The following ERG variants were observed in gnomAD, a reference collection of about 807,000 sequenced individuals.
The protein encoded by ERG is transcriptional regulator ERG.
ERG carries 9 observed loss-of-function variants against 55.3 expected under a neutral mutation model. The ratio of observed to expected loss-of-function variants is 0.16; its 90% CI spans 0.10 to 0.28. The LOEUF is 0.28. Ranked by LOEUF, ERG falls within the 10% of genes least tolerant of loss-of-function variation. The probability of loss-of-function intolerance (pLI) is 1.00; values close to 1 mark genes in which losing one functional copy is unlikely to be tolerated. For synonymous variants in ERG, 223 were observed against 237.3 expected, an observed-to-expected ratio of 0.94 and a Z score of 0.55; for missense variants, 434 against 631.6, an observed-to-expected ratio of 0.69 and a Z score of 3.35.
chr21:38,556,824 C>G (rs140853648), intron 2 of ERG, among the ~76,000 whole-genome samples: 1 of 152,298 alleles, frequency 6.6e-6, no homozygotes, highest in East Asian at 1.9e-4. Context: ...CCCAGACCCC[C>G]ATACTGGACT....
At chr21:38,421,817 T>C (rs962249598) in intron 3 of ERG, among the ~76,000 whole-genome samples, 33 of 152,208 alleles carry the variant, frequency 2.2e-4, no homozygotes, top group African/African-American at 7.7e-4. Flanking sequence ...TTATGTTCCA[T>C]TCAGGGAAGA....
intron 1 of ERG, among the ~76,000 whole-genome samples, chr21:38,481,112 C>A (rs1302914993): frequency 6.6e-6 from 1 of 152,190 alleles, no homozygotes; most frequent in African/African-American, 2.4e-5. Context: ...AAACAATGAA[C>A]TCCTAAATGA....
rs547917191 is a variant in ERG at position 38,382,554 on chromosome 21, T to C, written c.*849A>G. 3.8e-6 allele frequency: 4 copies of C among 1,066,010 alleles called. No homozygotes were observed. In the African/African-American group the frequency reaches 6.5e-5, roughly 17 times the overall value. 66.0% of individuals were successfully genotyped at this position (1,066,010 alleles called of 1,614,324 possible). A position where few individuals can be genotyped will look rare whatever the true frequency, so the allele number is the denominator to read the frequency against. Reference sequence around the variant, plus strand: ...GTGTCCTTTCTCCTAACACTGGGTTTGGTATAACACTGACTGCATGAACCC... The same window carrying C: ...GTGTCCTTTCTCCTAACACTGGGTTCGGTATAACACTGACTGCATGAACCC... On this transcript the variant is annotated 3_prime_UTR_variant, in exon 10 of 10. Coordinates refer to ENST00000288319, the MANE Select transcript of ERG (RefSeq NM_182918.4).
Position 38,423,404 on chromosome 21 carries a change from C to T in ERG, c.388+6G>A. On this transcript the variant is annotated splice_donor_region_variant and intron_variant, in intron 3 of 9. Transcript: ENST00000288319. ...GCCGAGGGCAGTGAAGCTGTGGGCA[C>T]CTGACCTGCTGGCACGATAACTCTG... is the stretch of plus-strand genomic sequence containing the variant. 1 of 1,610,780 alleles carries T rather than the reference C, an allele frequency of 6.2e-7. No individual in the cohort carries two copies. The highest frequency in any genetic ancestry group is 8.5e-7 in the Non-Finnish European group (1 of 1,177,826).
intron 2 of ERG, among the ~76,000 whole-genome samples, chr21:38,539,344 A>G (rs1480780186): frequency 6.6e-6 from 1 of 152,212 alleles, no homozygotes; most frequent in Non-Finnish European, 1.5e-5. Context: ...CTATGAAAAA[A>G]GTATCTCATT....
At chr21:38,511,254 G>C in intron 2 of ERG, among the ~76,000 whole-genome samples, 1 of 152,078 alleles carries the variant, frequency 6.6e-6, no homozygotes, top group East Asian at 1.9e-4. Context: ...TCAATATTTT[G>C]TCTATTTACT....
intron 2 of ERG, among the ~76,000 whole-genome samples, chr21:38,508,944 A>G (rs1330909663): frequency 6.6e-6 from 1 of 152,198 alleles, no homozygotes; most frequent in East Asian, 1.9e-4. Flanking sequence ...ACGGGGAGAA[A>G]GCCCAAGCCA....
chr21:38,477,778 A>T (rs1166348888), intron 1 of ERG, among the ~76,000 whole-genome samples: 1 of 152,240 alleles, frequency 6.6e-6, no homozygotes, highest in Non-Finnish European at 1.5e-5. Context: ...CATTTAAACA[A>T]GAAAAAAATG....
At chr21:38,521,260 C>T (rs75209348) in intron 2 of ERG, among the ~76,000 whole-genome samples, 2,381 of 152,274 alleles carry the variant, frequency 0.016, 71 homozygotes, top group African/African-American at 0.054. Context: ...CTACTACACA[C>T]GGAGCCAAGC....
chr21:38,392,152 A>G (rs529851113), intron 7 of ERG, among the ~76,000 whole-genome samples: 1 of 152,360 alleles, frequency 6.6e-6, no homozygotes, highest in African/African-American at 2.4e-5. Flanking sequence ...GTGAAGGTTG[A>G]CATACACTAC....
At chr21:38,490,459 G>A (rs1292805301) in intron 1 of ERG, among the ~76,000 whole-genome samples, 4 of 152,160 alleles carry the variant, frequency 2.6e-5, no homozygotes, top group East Asian at 1.9e-4. Flanking sequence ...CCATTTCACC[G>A]ATGGAAAAGC....
chr21:38,582,361 T>A (rs892321541), intron 1 of ERG, among the ~76,000 whole-genome samples: 1 of 152,226 alleles, frequency 6.6e-6, no homozygotes, highest in Non-Finnish European at 1.5e-5. Context: ...GTAGTCAGTG[T>A]CAGAACTGAA....
intron 1 of ERG, 152 bp from the exon 2 acceptor site, chr21:38,445,773 T>G: frequency 1.5e-6 from 1 of 654,176 alleles, no homozygotes; most frequent in Non-Finnish European, 2.7e-6. Context: ...AAAAGTAGCT[T>G]GTTTTTCTTT....
At chr21:38,540,021 C>T (rs1218142050) in intron 2 of ERG, among the ~76,000 whole-genome samples, 3 of 151,426 alleles carry the variant, frequency 2.0e-5, no homozygotes, top group Non-Finnish European at 4.4e-5. Context: ...CTCAGCCTCC[C>T]AAGTAGCTGA....
chr21:38,453,802 T>C lies in ERG; in HGVS notation c.19-8181A>G, dbSNP rs527949334. On this transcript the variant is annotated intron_variant, in intron 1 of 9. Transcript: ENST00000288319. ...AGGAGGCTGAGACAAGAGAATCGCTTGAACCCGGGAGGGGGAGGCTGCAGT... is the reference window on the plus strand; with the variant it reads ...AGGAGGCTGAGACAAGAGAATCGCTCGAACCCGGGAGGGGGAGGCTGCAGT... Among the ~76,000 whole-genome samples the C allele has an allele frequency of 5.4e-5, 8 of 149,486 alleles. No homozygotes were observed. In the South Asian group the frequency reaches 1.7e-3, roughly 31 times the overall value.
intron 1 of ERG, among the ~76,000 whole-genome samples, chr21:38,635,980 T>C (rs1002002603): frequency 6.6e-6 from 1 of 152,230 alleles, no homozygotes. Context: ...AAATCTCATA[T>C]TGAATTGTAG....
chr21:38,644,322 A>T (rs1194716715), intron 1 of ERG, among the ~76,000 whole-genome samples: 1 of 73,694 alleles, frequency 1.4e-5, no homozygotes, highest in Non-Finnish European at 2.6e-5. Flanking sequence ...ATACTATAAC[A>T]AGATGGGAAG....
intron 2 of ERG, among the ~76,000 whole-genome samples, chr21:38,537,183 C>A (rs1480418582): frequency 6.6e-6 from 1 of 152,048 alleles, no homozygotes; most frequent in Non-Finnish European, 1.5e-5. Flanking sequence ...AAAATAAAAG[C>A]TAAAACTCTA....
intron 2 of ERG, among the ~76,000 whole-genome samples, chr21:38,542,294 CT>C (rs1223524358): frequency 4.6e-5 from 7 of 152,160 alleles, no homozygotes; most frequent in Admixed American, 2.6e-4. Context: ...GGCCTATGCA[CT>C]GTTAATTTTA....
Sources: allele counts gnomAD v4.1 joint callset (sites outside exome capture counted in the v4.1 genomes callset), GRCh38; gene constraint gnomAD v4.1.1; transcripts MANE v1.5; gene names NCBI Gene and HGNC (gene_info 2026-07-23, HGNC 2026-07-21).